The following NEGR1 variants were observed in gnomAD, a reference collection of about 807,000 sequenced individuals.
NEGR1 encodes the protein IgLON family member 4.
A neutral mutation model predicts 40.9 loss-of-function variants in NEGR1; 10 were observed. The ratio of observed to expected loss-of-function variants is 0.24; its 90% CI spans 0.15 to 0.42. The LOEUF (loss-of-function observed/expected upper bound fraction) is 0.42, where lower values mean the gene tolerates loss of function less well. Among genes scored for constraint, NEGR1 ranks in the 10% least tolerant of loss-of-function variants. The pLI is 1.00. For synonymous variants in NEGR1, 185 were observed against 166.8 expected, an observed-to-expected ratio of 1.11 and a Z score of -0.84; for missense variants, 352 against 438.9, an observed-to-expected ratio of 0.80 and a Z score of 1.77.
chr1:71,692,638 C>G (rs918473056), intron 4 of NEGR1, among the ~76,000 whole-genome samples: 1 of 151,844 alleles, frequency 6.6e-6, no homozygotes, highest in Non-Finnish European at 1.5e-5. Context: ...GCCTCCTCCT[C>G]TTACTCCCCA....
intron 6 of NEGR1, among the ~76,000 whole-genome samples, chr1:71,587,829 C>A (rs923610007): frequency 2.0e-5 from 3 of 152,014 alleles, no homozygotes; most frequent in African/African-American, 7.2e-5. Flanking sequence ...TTTTGGGACT[C>A]TAAGCAATGA....
At chr1:71,440,947 T>C (rs902232848) in intron 6 of NEGR1, among the ~76,000 whole-genome samples, 1 of 152,218 alleles carries the variant, frequency 6.6e-6, no homozygotes, top group Non-Finnish European at 1.5e-5. Context: ...TGAAAATTTA[T>C]TGGACACTCA....
intron 6 of NEGR1, among the ~76,000 whole-genome samples, chr1:71,541,364 G>A (rs2101457476): frequency 6.6e-6 from 1 of 151,754 alleles, no homozygotes; most frequent in East Asian, 2.0e-4. Context: ...CCATGCTTAG[G>A]CCTTATTTGA....
chr1:71,886,358 A>G (rs1660722620), intron 2 of NEGR1, among the ~76,000 whole-genome samples: 1 of 152,074 alleles, frequency 6.6e-6, no homozygotes, highest in African/African-American at 2.4e-5. Context: ...CTTCTTCCAT[A>G]GTTTTAACCT....
chr1:71,940,683 G>A (rs1354193711), intron 1 of NEGR1, among the ~76,000 whole-genome samples: 3 of 152,142 alleles, frequency 2.0e-5, no homozygotes, highest in African/African-American at 4.8e-5. Flanking sequence ...CATTGGGTGA[G>A]ATGCTATTTG....
At chr1:71,774,375 T>A (rs1427148513) in intron 3 of NEGR1, among the ~76,000 whole-genome samples, 1 of 152,116 alleles carries the variant, frequency 6.6e-6, no homozygotes, top group Non-Finnish European at 1.5e-5. Flanking sequence ...GAGTGAAGAG[T>A]TGGCAGTCAA....
Position 71,407,967 on chromosome 1 carries a change from G to A in NEGR1, c.941-397C>T, listed in dbSNP as rs1646289008. The A allele has an allele frequency of 3.8e-5, 6 of 157,750 alleles. No individual in the cohort carries two copies. In the South Asian group the frequency reaches 1.1e-3, roughly 29 times the overall value. 9.8% of individuals were successfully genotyped at this position (157,750 alleles called of 1,614,324 possible). A position where few individuals can be genotyped will look rare whatever the true frequency, so the allele number is the denominator to read the frequency against. On this transcript the variant is annotated intron_variant, in intron 6 of 6. Coordinates refer to ENST00000357731, the MANE Select transcript of NEGR1 (RefSeq NM_173808.3). ...GTCATTCATGTGTATATATAGCTGT[G>A]TTTTATTAGCTAAATACTGTACTAA... is the stretch of plus-strand genomic sequence containing the variant.
At chr1:71,833,500 G>A (rs1407272740) in intron 2 of NEGR1, among the ~76,000 whole-genome samples, 2 of 152,072 alleles carry the variant, frequency 1.3e-5, no homozygotes, top group South Asian at 2.1e-4. Context: ...GGGGAAAAAA[G>A]TATTTTTATG....
At chr1:71,411,353 T>C (rs2101262776) in intron 6 of NEGR1, among the ~76,000 whole-genome samples, 1 of 152,278 alleles carries the variant, frequency 6.6e-6, no homozygotes, top group African/African-American at 2.4e-5. Flanking sequence ...AGACAGCATG[T>C]ACTGAACTTT....
intron 2 of NEGR1, among the ~76,000 whole-genome samples, chr1:71,800,436 G>T (rs72948024): frequency 0.08 from 12,220 of 152,122 alleles, 649 homozygotes; most frequent in African/African-American, 0.14. Context: ...CCTATGTCCT[G>T]AATGGTATTG....
At chr1:71,716,358 T>C (rs1364477166) in intron 3 of NEGR1, among the ~76,000 whole-genome samples, 2 of 151,974 alleles carry the variant, frequency 1.3e-5, no homozygotes, top group Admixed American at 6.6e-5. Context: ...GAGCATCAAA[T>C]GTAAAAATAT....
chr1:71,561,093 C>A (rs1020241427), intron 6 of NEGR1, among the ~76,000 whole-genome samples: 1 of 151,546 alleles, frequency 6.6e-6, no homozygotes, highest in Non-Finnish European at 1.5e-5. Flanking sequence ...ACATCCTAAC[C>A]ATGATCATGA....
chr1:72,053,218 T>C (rs1041023988), intron 1 of NEGR1, among the ~76,000 whole-genome samples: 3 of 148,176 alleles, frequency 2.0e-5, no homozygotes, highest in Non-Finnish European at 4.5e-5. Context: ...TTTGTTTTGA[T>C]TTTTTTTTAG....
intron 1 of NEGR1, among the ~76,000 whole-genome samples, chr1:72,020,864 T>A (rs888285412): frequency 1.3e-5 from 2 of 152,138 alleles, no homozygotes; most frequent in African/African-American, 4.8e-5. Flanking sequence ...GTGGAAGATG[T>A]CAACACAACA....
chr1:71,665,311 T>C lies in NEGR1; in HGVS notation c.667+32697A>G, dbSNP rs17091637. The stretch of plus-strand genomic sequence containing the variant: ...TTCTGAAGTTCAATGTACTTCCTAT[T>C]GACTTTAAATTACAGAGAACTTGTG... On this transcript the variant is annotated intron_variant, in intron 4 of 6. Transcript: ENST00000357731. 2.1e-3 allele frequency among the ~76,000 whole-genome samples: 320 copies of C among 152,308 alleles called. 1 individual carries two copies. Among genetic ancestry groups the C allele is most frequent in the African/African-American group, 7.1e-3 (296 of 41,568 alleles).
chr1:71,929,846 G>A (rs1645838351), intron 2 of NEGR1, among the ~76,000 whole-genome samples: 1 of 151,272 alleles, frequency 6.6e-6, no homozygotes, highest in South Asian at 2.1e-4. Flanking sequence ...CTCTTTCAGT[G>A]TGCACCTTGT....
intron 4 of NEGR1, among the ~76,000 whole-genome samples, chr1:71,677,888 G>A (rs1339708464): frequency 1.3e-5 from 2 of 152,102 alleles, no homozygotes; most frequent in Non-Finnish European, 2.9e-5. Flanking sequence ...ATCAACGTTT[G>A]CCTTATAAAA....
intron 1 of NEGR1, among the ~76,000 whole-genome samples, chr1:72,223,136 A>G (rs1654066065): frequency 6.6e-6 from 1 of 152,204 alleles, no homozygotes; most frequent in Non-Finnish European, 1.5e-5. Context: ...TCTAGCCCCT[A>G]ACCATCATTT....
At chr1:71,694,038 T>A (rs993082233) in intron 4 of NEGR1, among the ~76,000 whole-genome samples, 44 of 151,868 alleles carry the variant, frequency 2.9e-4, no homozygotes, top group Non-Finnish European at 4.9e-4. Flanking sequence ...CCTGTTTTTT[T>A]GTTTTGTTTT....
Sources: gnomAD v4.1 joint callset for allele counts (sites outside exome capture counted in the v4.1 genomes callset) on GRCh38, gnomAD v4.1.1 for gene constraint, MANE v1.5 for transcripts, NCBI Gene and HGNC (gene_info 2026-07-23, HGNC 2026-07-21) for gene names.